Variants in C7orf33 observed in about 807,000 individuals in gnomAD.
The protein encoded by C7orf33 is uncharacterized protein C7orf33.
A neutral mutation model predicts 13.4 loss-of-function variants in C7orf33; 15 were observed. That is an observed-to-expected ratio of 1.12 (90% confidence interval 0.75 to 1.72). The LOEUF (loss-of-function observed/expected upper bound fraction) is 1.72. C7orf33 is among the 40% of genes most tolerant of loss of function. C7orf33 has a pLI of 0.00. For synonymous variants in C7orf33, 73 were observed against 83.2 expected, an observed-to-expected ratio of 0.88 and a Z score of 0.67; for missense variants, 187 against 220.3, an observed-to-expected ratio of 0.85 and a Z score of 0.96.
At chr7:148,597,746 T>TTTG (rs1796357070) in intron 1 of C7orf33, among the ~76,000 whole-genome samples, 1 of 147,374 alleles carries the variant, frequency 6.8e-6, no homozygotes, top group East Asian at 2.0e-4. Context: ...TTTGTTTTGT[T>TTTG]TTGTTTTGTT....
chr7:148,606,405 G>T (rs1796473131), intron 1 of C7orf33, among the ~76,000 whole-genome samples: 1 of 152,064 alleles, frequency 6.6e-6, no homozygotes, highest in South Asian at 2.1e-4. Context: ...CATTGCAGCG[G>T]GTGTGGAACC....
At chr7:148,609,390 A>G (rs1351676623) in intron 1 of C7orf33, among the ~76,000 whole-genome samples, 3 of 152,236 alleles carry the variant, frequency 2.0e-5, no homozygotes, top group Non-Finnish European at 4.4e-5. Flanking sequence ...CTCCTTTCAC[A>G]TACAGAGTAA....
chr7:148,602,505 T>G lies in C7orf33; in HGVS notation c.204+11376T>G, dbSNP rs73480339. Among the ~76,000 whole-genome samples the G allele has an allele frequency of 8.7e-3, 1,316 of 152,122 alleles. 16 individuals are homozygous for G. Among genetic ancestry groups the G allele is most frequent in the African/African-American group, 0.03 (1,257 of 41,512 alleles). ...CCAGCTACTCGGGGAGGCTGAGACATGAGAATTGCTTGAACCCAGGAGGTG... is the reference window on the plus strand; with the variant it reads ...CCAGCTACTCGGGGAGGCTGAGACAGGAGAATTGCTTGAACCCAGGAGGTG... On this transcript the variant is annotated intron_variant, in intron 1 of 2. Coordinates refer to ENST00000307003, the MANE Select transcript of C7orf33 (RefSeq NM_145304.4).
At chr7:148,592,516 A>ATTTT (rs11373127) in intron 1 of C7orf33, among the ~76,000 whole-genome samples, 1 of 140,826 alleles carries the variant, frequency 7.1e-6, no homozygotes, top group Non-Finnish European at 1.6e-5. Context: ...GGTAGATAGG[A>ATTTT]TTTTTTTTTT....
chr7:148,597,812 G>A (rs1796358435), intron 1 of C7orf33, among the ~76,000 whole-genome samples: 1 of 152,150 alleles, frequency 6.6e-6, no homozygotes, highest in Non-Finnish European at 1.5e-5. Flanking sequence ...CTGGAGTGCA[G>A]TGGCGTGATC....
intron 1 of C7orf33, among the ~76,000 whole-genome samples, chr7:148,604,990 G>A (rs564093749): frequency 4.6e-5 from 7 of 152,240 alleles, no homozygotes; most frequent in South Asian, 2.1e-4. Flanking sequence ...TCAGCTCTTC[G>A]GGATGCCAAG....
intron 1 of C7orf33, among the ~76,000 whole-genome samples, chr7:148,606,515 G>A (rs1429281263): frequency 3.9e-5 from 6 of 152,166 alleles, no homozygotes. Context: ...AAAAAAATAT[G>A]CAGCAGACAC....
chr7:148,613,730 G>C (rs1796572200), intron 1 of C7orf33, among the ~76,000 whole-genome samples: 1 of 152,192 alleles, frequency 6.6e-6, no homozygotes, highest in South Asian at 2.1e-4. Context: ...TTCTAAAATT[G>C]ACAGTGGTGA....
chr7:148,598,725 GATATATATATAT>G lies in C7orf33; in HGVS notation c.204+7624_204+7635del, dbSNP rs1161811167. Among the ~76,000 whole-genome samples the G allele has an allele frequency of 8.2e-3, 200 of 24,318 alleles. 2 individuals carry two copies. The highest frequency in any genetic ancestry group is 0.018 in the Admixed American group (20 of 1,110). The allele number at this position is 24,318 out of a possible 152,430, so 16.0% of individuals were successfully genotyped here. A position where few individuals can be genotyped will look rare whatever the true frequency, so the allele number is the denominator to read the frequency against. ...ATATATAAAAAAAATTTCATTCCTG[GATATATATATAT>G]ATATATATATATATATATATATATA... On this transcript the variant is annotated intron_variant, in intron 1 of 2. Transcript: ENST00000307003.
At chr7:148,603,565 G>A (rs1796440227) in intron 1 of C7orf33, among the ~76,000 whole-genome samples, 1 of 152,146 alleles carries the variant, frequency 6.6e-6, no homozygotes, top group Non-Finnish European at 1.5e-5. Flanking sequence ...CCGGGATGCA[G>A]CATTAGGACA....
At chr7:148,592,191 A>G (rs1216105817) in intron 1 of C7orf33, among the ~76,000 whole-genome samples, 1 of 152,206 alleles carries the variant, frequency 6.6e-6, no homozygotes, top group African/African-American at 2.4e-5. Context: ...GAGGGCAGAG[A>G]GGATTTCATG....
At position 148,591,036 on chromosome 7, in the gene C7orf33, CCTT is replaced by C. The variant is rs1796262713; in HGVS notation, c.113_115del (p.Leu38del). The C allele has an allele frequency of 6.2e-7, 1 of 1,614,068 alleles. No individual in the cohort carries two copies. Among genetic ancestry groups the C allele is most frequent in the African/African-American group, 1.3e-5 (1 of 74,930 alleles). The stretch of plus-strand genomic sequence containing the variant: ...CCAGTGGGGCAAGGCGCCGGATTGA[CCTT>C]CGCCTGAGTGGGAGGGCAGTCGCTG... On this transcript the variant is annotated inframe_deletion, in exon 1 of 3. Coordinates refer to ENST00000307003, the MANE Select transcript of C7orf33 (RefSeq NM_145304.4).
intron 1 of C7orf33, among the ~76,000 whole-genome samples, chr7:148,608,151 G>A (rs942937537): frequency 1.3e-5 from 2 of 152,192 alleles, no homozygotes; most frequent in African/African-American, 4.8e-5. Context: ...GCCCCAGGCT[G>A]GGTGCTGTGG....
At chr7:148,598,085 A>G (rs1174057626) in intron 1 of C7orf33, among the ~76,000 whole-genome samples, 1 of 152,122 alleles carries the variant, frequency 6.6e-6, no homozygotes, top group Non-Finnish European at 1.5e-5. Context: ...CTACTTACAT[A>G]TGTATTCTTA....
At chr7:148,603,471 A>C (rs1172929667) in intron 1 of C7orf33, among the ~76,000 whole-genome samples, 4 of 152,116 alleles carry the variant, frequency 2.6e-5, no homozygotes, top group Non-Finnish European at 4.4e-5. Context: ...ATGCCACTGC[A>C]CTCCAGCCTG....
At chr7:148,595,677 A>C (rs1296452117) in intron 1 of C7orf33, among the ~76,000 whole-genome samples, 1 of 87,278 alleles carries the variant, frequency 1.1e-5, no homozygotes, top group Non-Finnish European at 2.0e-5. Context: ...TATAGATATA[A>C]TATAGATCTA....
At chr7:148,606,931 A>ACACACAC (rs1554449216) in intron 1 of C7orf33, among the ~76,000 whole-genome samples, 3 of 20,160 alleles carry the variant, frequency 1.5e-4, no homozygotes, top group African/African-American at 2.3e-4. Flanking sequence ...TTAAAAAAAA[A>ACACACAC]ATACACACAC....
intron 1 of C7orf33, among the ~76,000 whole-genome samples, chr7:148,596,264 A>G (rs2888563): frequency 0.42 from 64,501 of 152,024 alleles, 17,990 homozygotes; most frequent in African/African-American, 0.79. Flanking sequence ...CCCCACCAGA[A>G]TGGTGGATTT....
chr7:148,591,175 C>A, intron 1 of C7orf33, 46 bp downstream of exon 1: 1 of 1,456,106 alleles, frequency 6.9e-7, no homozygotes, highest in South Asian at 1.1e-5. Flanking sequence ...TTGAGTCAGT[C>A]AGTATCTCTT....
Sources: gnomAD v4.1 joint callset for allele counts (sites outside exome capture counted in the v4.1 genomes callset) on GRCh38, gnomAD v4.1.1 for gene constraint, MANE v1.5 for transcripts, NCBI Gene and HGNC (gene_info 2026-07-23, HGNC 2026-07-21) for gene names.